Variants in DMD observed in about 807,000 individuals in gnomAD.
The protein encoded by DMD is dystrophin, also known as mutant dystrophin.
DMD carries 63 observed loss-of-function variants against 330.1 expected under a neutral mutation model. The ratio of observed to expected loss-of-function variants is 0.19; its 90% CI spans 0.16 to 0.24. The LOEUF is 0.24. DMD is among the 10% of genes least tolerant of loss of function. The pLI is 1.00. For synonymous variants in DMD, 1,223 were observed against 959.8 expected, an observed-to-expected ratio of 1.27 and a Z score of -5.07; for missense variants, 3,344 against 2,684.1, an observed-to-expected ratio of 1.25 and a Z score of -5.43.
intron 1 of DMD, among the ~76,000 whole-genome samples, chrX:33,099,791 A>T (rs1199525015): frequency 9.0e-6 from 1 of 111,590 alleles, no homozygotes; most frequent in East Asian, 2.8e-4. Flanking sequence ...TTCAAATGGA[A>T]CTTCCTTTCA....
At position 32,429,345 on chromosome X, in the gene DMD, G is replaced by C. The variant is rs752438591; in HGVS notation, c.4071+8896C>G. ...CTGTCTCAGCCTCCCGAGTAGTTGG[G>C]ATTATAGGCACCCACCACCAAGCCT... On this transcript the variant is annotated intron_variant, in intron 29 of 78. Coordinates refer to ENST00000357033, the MANE Select transcript of DMD (RefSeq NM_004006.3). 4.3e-5 allele frequency among the ~76,000 whole-genome samples: 4 copies of C among 93,240 alleles called. No individual in the cohort carries two copies. In the East Asian group the frequency reaches 1.4e-3, roughly 32 times the overall value. The allele number at this position is 93,240 out of a possible 115,157, so 81.0% of individuals were successfully genotyped here. A position where few individuals can be genotyped will look rare whatever the true frequency, so the allele number is the denominator to read the frequency against.
intron 9 of DMD, among the ~76,000 whole-genome samples, chrX:32,681,917 C>G (rs1265058068): frequency 9.0e-6 from 1 of 111,299 alleles, no homozygotes. Flanking sequence ...ATATGAATAA[C>G]TGGGGGAAAA....
chrX:32,568,529 T>C (rs772512907), intron 15 of DMD, among the ~76,000 whole-genome samples: 1 of 109,386 alleles, frequency 9.1e-6, no homozygotes, highest in South Asian at 4.0e-4. Flanking sequence ...AAAATCCAAT[T>C]AGGAAAAAAG....
chrX:32,880,920 G>A (rs1041719917), intron 2 of DMD, among the ~76,000 whole-genome samples: 3 of 112,411 alleles, frequency 2.7e-5, no homozygotes, highest in Non-Finnish European at 5.6e-5. Context: ...CTCCAGCCTG[G>A]GCAACGACAG....
chrX:32,720,315 T>G (rs2147891677), intron 7 of DMD, among the ~76,000 whole-genome samples: 1 of 111,736 alleles, frequency 8.9e-6, no homozygotes, highest in Admixed American at 9.5e-5. Flanking sequence ...ATTAAATGCC[T>G]GTGAAAAAAT....
At chrX:33,309,216 G>A (rs191460327) in intron 1 of DMD, among the ~76,000 whole-genome samples, 136 of 111,638 alleles carry the variant, frequency 1.2e-3, no homozygotes, top group Non-Finnish European at 2.0e-3. Flanking sequence ...TAATTAACAG[G>A]ATTATAATTA....
rs191793742 is a variant in DMD, at chrX:31,158,755, T to C, written c.10553+10688A>G. 5.7e-4 allele frequency among the ~76,000 whole-genome samples: 64 copies of C among 112,299 alleles called. 1 individual carries two copies. Among genetic ancestry groups the C allele is most frequent in the African/African-American group, 2.0e-3 (63 of 30,969 alleles). On this transcript the variant is annotated intron_variant, in intron 74 of 78. Transcript: ENST00000357033. ...CCCCAGTGAAAACAATAAAATCTTA[T>C]AATGCTTTCTCCTACTATGGAAAAA...
At chrX:33,247,119 T>A (rs73459927) in intron 1 of DMD, among the ~76,000 whole-genome samples, 17,360 of 111,477 alleles carry the variant, frequency 0.16, 2,035 homozygotes, top group African/African-American at 0.41. Flanking sequence ...GGTTTCTTCT[T>A]CCTTGAGTCC....
chrX:32,252,765 T>TATATATAAATATATAAATATATATAA lies in DMD; in HGVS notation c.6290+34763_6290+34764insTTATATATATTTATATATTTATATAT, dbSNP rs1179613216. 2.8e-4 allele frequency among the ~76,000 whole-genome samples: 11 copies of TATATATAAATATATAAATATATATAA among 38,845 alleles called. 1 individual carries two copies. Among genetic ancestry groups the TATATATAAATATATAAATATATATAA allele is most frequent in the South Asian group, 1.3e-3 (1 of 760 alleles). The allele number at this position is 38,845 out of a possible 115,157, so 33.7% of individuals were successfully genotyped here. A position where few individuals can be genotyped will look rare whatever the true frequency, so the allele number is the denominator to read the frequency against. On this transcript the variant is annotated intron_variant, in intron 43 of 78. Coordinates refer to ENST00000357033, the MANE Select transcript of DMD (RefSeq NM_004006.3). Reference sequence around the variant, plus strand: ...ATATAAATATATATAAATATATAAATATATATAAATATATATAAATATATA... The same window carrying TATATATAAATATATAAATATATATAA: ...ATATAAATATATATAAATATATAAATATATATAAATATATAAATATATATAAATATATAAATATATATAAATATATA...
intron 55 of DMD, among the ~76,000 whole-genome samples, chrX:31,519,167 T>C (rs1235719645): frequency 7.1e-5 from 8 of 112,163 alleles, no homozygotes; most frequent in Non-Finnish European, 3.8e-5. Flanking sequence ...GGTAACTCTC[T>C]TCCCATGGAC....
intron 4 of DMD, among the ~76,000 whole-genome samples, chrX:32,828,094 T>A (rs1278601287): frequency 8.9e-6 from 1 of 111,854 alleles, no homozygotes; most frequent in Admixed American, 9.5e-5. Flanking sequence ...CCATGGTGTA[T>A]ATGTAGCATA....
At chrX:33,109,519 A>C (rs1189482624) in intron 1 of DMD, among the ~76,000 whole-genome samples, 2 of 111,572 alleles carry the variant, frequency 1.8e-5, no homozygotes, top group South Asian at 3.7e-4. Context: ...AGAAAGCCTA[A>C]GTACAGCATC....
At chrX:31,591,410 C>G (rs939740533) in intron 55 of DMD, among the ~76,000 whole-genome samples, 58 of 111,119 alleles carry the variant, frequency 5.2e-4, no homozygotes, top group Non-Finnish European at 9.5e-5. Context: ...GTGGTGTGAG[C>G]GTTTGGAGTC....
chrX:31,553,183 A>G (rs898858545), intron 55 of DMD, among the ~76,000 whole-genome samples: 1 of 111,957 alleles, frequency 8.9e-6, no homozygotes, highest in Non-Finnish European at 1.9e-5. Flanking sequence ...TTAAAAAGGC[A>G]TTCAGAAGAT....
chrX:33,135,347 G>T (rs1261304076), intron 1 of DMD, among the ~76,000 whole-genome samples: 1 of 111,758 alleles, frequency 8.9e-6, no homozygotes, highest in East Asian at 2.8e-4. Flanking sequence ...CGTCCAACAC[G>T]TGTTATTTAA....
intron 17 of DMD, among the ~76,000 whole-genome samples, chrX:32,522,756 G>T (rs914562058): frequency 4.5e-5 from 5 of 111,627 alleles, no homozygotes; most frequent in Admixed American, 9.5e-5. Context: ...CTTTATTCTT[G>T]TTCCTCCTCC....
chrX:31,391,060 C>G (rs1039636125), intron 60 of DMD, among the ~76,000 whole-genome samples: 1 of 112,105 alleles, frequency 8.9e-6, no homozygotes, highest in African/African-American at 3.2e-5. Context: ...TTCAGAGAGG[C>G]CTTCCTAGAC....
intron 43 of DMD, among the ~76,000 whole-genome samples, chrX:32,242,977 A>AGAAG (rs372086629): frequency 0.14 from 14,583 of 104,592 alleles, 1,047 homozygotes; most frequent in Admixed American, 0.23. Flanking sequence ...AAGGAAAGGA[A>AGAAG]GAAGGAAGGA....
intron 1 of DMD, among the ~76,000 whole-genome samples, chrX:33,096,619 C>T (rs933227613): frequency 8.2e-5 from 9 of 109,950 alleles, no homozygotes; most frequent in South Asian, 7.8e-4. Context: ...ATTCTCCTGC[C>T]TCAGCCTCCC....
Sources: allele counts gnomAD v4.1 joint callset (sites outside exome capture counted in the v4.1 genomes callset), GRCh38; gene constraint gnomAD v4.1.1; transcripts MANE v1.5; gene names NCBI Gene and HGNC (gene_info 2026-07-23, HGNC 2026-07-21).